Variants in PMF1 observed in about 807,000 individuals in gnomAD.
PMF1 encodes the protein polyamine modulated factor 1, also known as polyamine-modulated factor 1.
PMF1 carries 21 observed loss-of-function variants against 26.7 expected under a neutral mutation model. That is an observed-to-expected ratio of 0.79 (90% CI 0.56 to 1.13). The LOEUF is 1.13. PMF1 is among the 50% of genes most tolerant of loss of function. The probability of loss-of-function intolerance (pLI) is 0.00; values close to 1 mark genes in which losing one functional copy is unlikely to be tolerated. For synonymous variants in PMF1, 105 were observed against 101.0 expected, an observed-to-expected ratio of 1.04 and a Z score of -0.24; for missense variants, 266 against 254.9, an observed-to-expected ratio of 1.04 and a Z score of -0.30.
intron 1 of PMF1, among the ~76,000 whole-genome samples, chr1:156,221,368 C>T (rs1658072817): frequency 6.6e-6 from 1 of 152,230 alleles, no homozygotes; most frequent in East Asian, 1.9e-4. Context: ...TCATCTCTTC[C>T]CTGACCCGCT....
intron 3 of PMF1, 130 bp downstream of exon 3, chr1:156,233,858 C>G: frequency 1.2e-6 from 1 of 805,956 alleles, no homozygotes. Context: ...TTAAGCTGTC[C>G]TCCCACCTTG....
chr1:156,238,498 G>A (rs1038564266), intron 4 of PMF1, among the ~76,000 whole-genome samples: 1 of 152,342 alleles, frequency 6.6e-6, no homozygotes, highest in Non-Finnish European at 1.5e-5. Context: ...TGGGCTCAAA[G>A]TGCATTTCCA....
At chr1:156,227,240 A>G (rs1242929775) in intron 1 of PMF1, among the ~76,000 whole-genome samples, 2 of 152,054 alleles carry the variant, frequency 1.3e-5, no homozygotes, top group Non-Finnish European at 2.9e-5. Flanking sequence ...TCAATGGCTC[A>G]CGCCTGTAAT....
chr1:156,213,867 T>TA (rs1474301377), intron 1 of PMF1, among the ~76,000 whole-genome samples: 6 of 152,230 alleles, frequency 3.9e-5, no homozygotes, highest in African/African-American at 1.4e-4. Flanking sequence ...CTAAATGTGT[T>TA]ACCATGAAAA....
At chr1:156,238,071 G>A (rs12083543) in intron 4 of PMF1, among the ~76,000 whole-genome samples, 3,041 of 152,250 alleles carry the variant, frequency 0.02, 83 homozygotes, top group East Asian at 0.06. Flanking sequence ...CACCTTTGCC[G>A]ACAATCAGTT....
intron 2 of PMF1, among the ~76,000 whole-genome samples, chr1:156,232,759 A>C (rs1019412955): frequency 9.9e-5 from 15 of 151,776 alleles, no homozygotes; most frequent in African/African-American, 3.6e-4. Flanking sequence ...ACAGCGGCAT[A>C]ATCACAGCTC....
intron 3 of PMF1, 54 bp from the exon 4 acceptor site, chr1:156,236,234 T>C: frequency 1.3e-6 from 2 of 1,557,982 alleles, no homozygotes; most frequent in South Asian, 1.2e-5. Context: ...CTGAACCTTC[T>C]TCCACAAGGG....
Position 156,232,349 on chromosome 1 carries a change from G to T in PMF1, c.191G>T (p.Cys64Phe). 9 of 1,614,084 alleles carry T rather than the reference G, an allele frequency of 5.6e-6. No individual in the cohort carries two copies. Among genetic ancestry groups the T allele is most frequent in the Non-Finnish European group, 7.6e-6 (9 of 1,179,960 alleles). Residue 64 changes from cysteine (C) to phenylalanine (F), a missense_variant, in exon 2 of 5, where the codon TGC (cysteine) becomes TTC (phenylalanine). Coordinates refer to ENST00000368277, the MANE Select transcript of PMF1 (RefSeq NM_007221.4). ...CAGAGATTCACTGACTGCTATAAGT[G>T]CTTCTACCAGTTGCAGCCTGCGATG... Reference protein sequence around the residue: ...SYQRFTDCYKCFYQLQPAMTQ... With the variant: ...SYQRFTDCYKFFYQLQPAMTQ...
chr1:156,216,164 G>A (rs1657686229), intron 1 of PMF1, among the ~76,000 whole-genome samples: 2 of 151,860 alleles, frequency 1.3e-5, no homozygotes, highest in South Asian at 4.2e-4. Context: ...GCAGAGGCGG[G>A]TGGATCACTT....
At chr1:156,218,798 A>G (rs539966229) in intron 1 of PMF1, among the ~76,000 whole-genome samples, 1 of 152,084 alleles carries the variant, frequency 6.6e-6, no homozygotes, top group African/African-American at 2.4e-5. Flanking sequence ...AAAAACAAAA[A>G]CAAAAAAACA....
intron 1 of PMF1, chr1:156,225,554 C>T: frequency 6.5e-7 from 1 of 1,529,440 alleles, no homozygotes; most frequent in Non-Finnish European, 8.9e-7. Flanking sequence ...GTTTTGTTCT[C>T]AGCTCTCCAC....
intron 4 of PMF1, among the ~76,000 whole-genome samples, chr1:156,238,923 C>G (rs574673073): frequency 6.6e-6 from 1 of 152,046 alleles, no homozygotes; most frequent in Admixed American, 6.5e-5. Flanking sequence ...GGGCACAGCT[C>G]CGAGTTGTGT....
Position 156,236,747 on chromosome 1 carries a change from G to A in PMF1, c.564+264G>A, listed in dbSNP as rs182053228. 2.2e-3 allele frequency: 1,096 copies of A among 500,494 alleles called. 17 individuals carry two copies. The Admixed American group carries it at 0.031, about 14-fold the overall frequency. The allele number at this position is 500,494 out of a possible 1,614,324, so 31.0% of individuals were successfully genotyped here. A position where few individuals can be genotyped will look rare whatever the true frequency, so the allele number is the denominator to read the frequency against. ...CAGGTGAGGACCCAGGCCCAGAGAG[G>A]GCAGGTGAGTCACCCAAGGTAACAG... On this transcript the variant is annotated intron_variant, in intron 4 of 4. Coordinates refer to ENST00000368277, the MANE Select transcript of PMF1 (RefSeq NM_007221.4).
chr1:156,214,885 T>TTA (rs1187882659), intron 1 of PMF1, among the ~76,000 whole-genome samples: 5 of 137,140 alleles, frequency 3.6e-5, no homozygotes, highest in African/African-American at 5.5e-5. Flanking sequence ...ATTATTATTA[T>TTA]TTTTTTTTTT....
At chr1:156,236,082 C>G (rs1435506418) in intron 3 of PMF1, among the ~76,000 whole-genome samples, 1 of 152,140 alleles carries the variant, frequency 6.6e-6, no homozygotes, top group African/African-American at 2.4e-5. Flanking sequence ...AGGTGGACCC[C>G]TAAGCATTGA....
rs945834469 is a variant in PMF1, at chr1:156,232,575, G to A, written c.267+150G>A. 4.0e-5 allele frequency: 26 copies of A among 643,774 alleles called. No homozygotes were observed. The East Asian group carries it at 4.1e-4, about 10-fold the overall frequency. 39.9% of individuals were successfully genotyped at this position (643,774 alleles called of 1,614,324 possible). On this transcript the variant is annotated intron_variant, in intron 2 of 4. Transcript: ENST00000368277. ...TGCCCAGCAGGCTGCAGCATCCATC[G>A]TCACTCCCCTCCAAATGATGCGGGT...
intron 1 of PMF1, among the ~76,000 whole-genome samples, chr1:156,226,632 C>T (rs79714141): frequency 1.3e-5 from 2 of 152,190 alleles, no homozygotes; most frequent in African/African-American, 2.4e-5. Context: ...TGCTGGGCAC[C>T]GTACTGAGGA....
rs1659008053 is a variant in PMF1, at chr1:156,236,307, G to A, written c.388G>A (p.Glu130Lys). 1 of 1,610,180 alleles carries A rather than the reference G, an allele frequency of 6.2e-7. No homozygotes were observed. Among genetic ancestry groups the A allele is most frequent in the South Asian group, 1.1e-5 (1 of 91,048 alleles). ...CTCCAGGCGCCCCAGCGGGATCCCA[G>A]AGAAGGATCTGCACAGTGTTATGGC... ...EPAWRPSGIP[E>K]KDLHSVMAPY... The change falls in exon 4 of 5, where the codon GAG (glutamate) becomes AAG (lysine). Residue 130 changes from glutamate to lysine, a missense_variant. Glu to Lys is a moderately conservative substitution (Grantham distance 56). Coordinates refer to ENST00000368277, the MANE Select transcript of PMF1 (RefSeq NM_007221.4).
intron 1 of PMF1, among the ~76,000 whole-genome samples, chr1:156,221,546 T>C (rs1261465757): frequency 6.6e-6 from 1 of 152,228 alleles, no homozygotes; most frequent in East Asian, 1.9e-4. Flanking sequence ...CTTGTCTGTC[T>C]TGTTCATCAT....
Sources: gnomAD v4.1 joint callset for allele counts (sites outside exome capture counted in the v4.1 genomes callset) on GRCh38, gnomAD v4.1.1 for gene constraint, MANE v1.5 for transcripts, NCBI Gene and HGNC (gene_info 2026-07-23, HGNC 2026-07-21) for gene names.